The following ITGAV variants were observed in gnomAD, a reference collection of about 807,000 sequenced individuals.
ITGAV encodes integrin subunit alpha V.
In ITGAV, 76 loss-of-function variants were observed where a neutral mutation model predicts 143.8. The ratio of observed to expected loss-of-function variants is 0.53; its 90% CI spans 0.44 to 0.64. ITGAV has a LOEUF of 0.64. Ranked by LOEUF, ITGAV falls within the 30% of genes least tolerant of loss-of-function variation. The pLI, the probability that ITGAV is intolerant of heterozygous loss-of-function variation, is 0.00. For missense variants in ITGAV, 1,193 were observed against 1,274.7 expected (o/e 0.94, Z 0.98); for synonymous variants, 453 against 446.7 (o/e 1.01, Z -0.18).
chr2:186,658,572 G>T (rs1688651761), intron 17 of ITGAV, among the ~76,000 whole-genome samples: 1 of 152,094 alleles, frequency 6.6e-6, no homozygotes, highest in African/African-American at 2.4e-5. Context: ...TTTACATGAT[G>T]AAATAGTACT....
chr2:186,599,530 G>A (rs1420746740), intron 1 of ITGAV, among the ~76,000 whole-genome samples: 1 of 152,012 alleles, frequency 6.6e-6, no homozygotes, highest in East Asian at 1.9e-4. Context: ...GTTTCACCCA[G>A]GCTGTTTGCT....
chr2:186,631,623 C>G (rs1298152766), intron 5 of ITGAV, among the ~76,000 whole-genome samples: 3 of 152,124 alleles, frequency 2.0e-5, no homozygotes, highest in Non-Finnish European at 1.5e-5. Flanking sequence ...CCTTAGAAAG[C>G]TTATATGTAC....
chr2:186,630,501 T>G (rs1034701585), intron 4 of ITGAV, among the ~76,000 whole-genome samples: 2 of 152,038 alleles, frequency 1.3e-5, no homozygotes, highest in East Asian at 3.9e-4. Flanking sequence ...ATATAAATTA[T>G]AATCTTTTTG....
rs937556416 is a variant in ITGAV at position 186,590,443 on chromosome 2, G to A, written c.105G>A (p.Val35=). The A allele has an allele frequency of 6.3e-5, 102 of 1,613,010 alleles. No homozygotes were observed. Among genetic ancestry groups the A allele is most frequent in the Non-Finnish European group, 8.5e-5 (100 of 1,179,802 alleles). Residue 35 remains valine (V), a synonymous_variant, in exon 1 of 30, where the codon GTG becomes GTA. Transcript: ENST00000261023. ...TGTGCCGCGCCTTCAACCTAGACGT[G>A]GACAGTCCTGCCGAGTACTCTGGCC... ...LPLCRAFNLD[V]DSPAEYSGPE...
chr2:186,633,478 T>G, intron 6 of ITGAV, 104 bp downstream of exon 6: 2 of 577,988 alleles, frequency 3.5e-6, no homozygotes, highest in Non-Finnish European at 6.2e-6. Flanking sequence ...AAGAAAGAAA[T>G]GGAAATACAA....
intron 2 of ITGAV, among the ~76,000 whole-genome samples, chr2:186,605,686 AGAGGTTT>A (rs1346610917): frequency 6.6e-6 from 1 of 151,144 alleles, no homozygotes; most frequent in East Asian, 1.9e-4. Context: ...ATGTACGATA[AGAGGTTT>A]TTATATAGTA....
chr2:186,657,729 T>G (rs1344860893), intron 17 of ITGAV, among the ~76,000 whole-genome samples: 1 of 152,176 alleles, frequency 6.6e-6, no homozygotes, highest in Non-Finnish European at 1.5e-5. Context: ...TTGAATAACC[T>G]TGGGCCAGTA....
chr2:186,677,059 C>G (rs937571647), intron 29 of ITGAV, 124 bp downstream of exon 29: 10 of 1,221,746 alleles, frequency 8.2e-6, no homozygotes, highest in Non-Finnish European at 1.2e-5. Context: ...ACTTGATGAG[C>G]ATTACTTATT....
intron 2 of ITGAV, among the ~76,000 whole-genome samples, chr2:186,604,147 CA>C (rs1242949686): frequency 6.6e-6 from 1 of 151,950 alleles, no homozygotes; most frequent in Non-Finnish European, 1.5e-5. Context: ...CCTGAGACTA[CA>C]GGTTTGGCCC....
intron 8 of ITGAV, among the ~76,000 whole-genome samples, chr2:186,638,025 A>G (rs560274974): frequency 1.2e-4 from 19 of 152,284 alleles, no homozygotes; most frequent in Non-Finnish European, 2.5e-4. Context: ...ATTCTTGTTT[A>G]ACAATATTAC....
chr2:186,605,757 TA>T (rs1687043188), intron 2 of ITGAV, among the ~76,000 whole-genome samples: 1 of 145,076 alleles, frequency 6.9e-6, no homozygotes, highest in African/African-American at 2.5e-5. Context: ...TATATATATA[TA>T]TTTATATGTA....
intron 2 of ITGAV, among the ~76,000 whole-genome samples, chr2:186,621,756 A>C (rs757967447): frequency 6.6e-6 from 1 of 152,170 alleles, no homozygotes; most frequent in Non-Finnish European, 1.5e-5. Flanking sequence ...TGTTTTTGAC[A>C]CTGGAATTTT....
chr2:186,597,221 T>C (rs1293182470), intron 1 of ITGAV, among the ~76,000 whole-genome samples: 1 of 152,252 alleles, frequency 6.6e-6, no homozygotes, highest in Non-Finnish European at 1.5e-5. Flanking sequence ...TCTTTTTCTC[T>C]GTCTTTGTTG....
chr2:186,602,189 A>G, intron 2 of ITGAV, 38 bp downstream of exon 2: 3 of 1,582,362 alleles, frequency 1.9e-6, no homozygotes, highest in Non-Finnish European at 2.6e-6. Context: ...CATTGATTTC[A>G]TTTGATTTTT....
intron 1 of ITGAV, among the ~76,000 whole-genome samples, chr2:186,596,082 G>A (rs888912094): frequency 2.0e-5 from 3 of 152,170 alleles, no homozygotes; most frequent in African/African-American, 7.2e-5. Flanking sequence ...GGACGAAGAT[G>A]ATAATTAAAT....
intron 1 of ITGAV, among the ~76,000 whole-genome samples, chr2:186,596,446 G>A (rs1430385208): frequency 6.8e-6 from 1 of 148,134 alleles, no homozygotes; most frequent in African/African-American, 2.5e-5. Context: ...TTTGTAGTAT[G>A]TGTTGCTTTT....
At chr2:186,661,695 C>A (rs773469234) in intron 18 of ITGAV, among the ~76,000 whole-genome samples, 3 of 150,660 alleles carry the variant, frequency 2.0e-5, no homozygotes, top group Non-Finnish European at 4.4e-5. Flanking sequence ...CTCCTGTGTT[C>A]AAGCGATTAC....
At chr2:186,641,358 C>G in intron 11 of ITGAV, 28 bp from the exon 12 acceptor site, 5 of 1,583,390 alleles carry the variant, frequency 3.2e-6, no homozygotes, top group Non-Finnish European at 4.3e-6. Context: ...TTTGTTCTTG[C>G]TTTGGTGAGA....
At chr2:186,651,915 A>AAAT in intron 14 of ITGAV, 67 bp from the exon 15 acceptor site, 1 of 934,960 alleles carries the variant, frequency 1.1e-6, no homozygotes, top group South Asian at 1.5e-5. Flanking sequence ...TATGAACCAA[A>AAAT]AATATTTCAA....
Sources: allele counts gnomAD v4.1 joint callset (sites outside exome capture counted in the v4.1 genomes callset), GRCh38; gene constraint gnomAD v4.1.1; transcripts MANE v1.5; gene names NCBI Gene and HGNC (gene_info 2026-07-23, HGNC 2026-07-21).